Variants in CASP2 observed in about 807,000 individuals in gnomAD.
CASP2 encodes caspase 2.
Under a neutral mutation model 54.4 loss-of-function variants are expected in CASP2, and 38 were observed. That is an observed-to-expected ratio of 0.70 (90% CI 0.54 to 0.92). CASP2 has a LOEUF of 0.92. Ranked by LOEUF, CASP2 falls within the 40% of genes least tolerant of loss-of-function variation. CASP2 has a pLI of 0.00. For synonymous variants in CASP2, 215 were observed against 216.3 expected (o/e 0.99, Z 0.05); for missense variants, 512 against 579.6 (o/e 0.88, Z 1.20).
At chr7:143,293,061 T>C in intron 4 of CASP2, 1 of 613,830 alleles carries the variant, frequency 1.6e-6, no homozygotes, top group Non-Finnish European at 2.9e-6. Flanking sequence ...CCAGATTGAC[T>C]TCCCCTTTCT....
chr7:143,292,395 G>T lies in CASP2; in HGVS notation c.321G>T (p.Arg107Ser). 1.9e-6 allele frequency: 3 copies of T among 1,614,144 alleles called. No individual in the cohort carries two copies. Among genetic ancestry groups the T allele is most frequent in the Non-Finnish European group, 2.5e-6 (3 of 1,180,018 alleles). Reference protein sequence around the residue: ...QAFDAFCEALRETKQGHLEDM... With the variant: ...QAFDAFCEALSETKQGHLEDM... ...TTGATGCCTTCTGTGAAGCACTGAG[G>T]GAGACCAAGCAAGGCCACCTGGAGG... The change falls in exon 3 of 11, where the codon AGG becomes AGT. Residue 107 changes from arginine to serine, a missense_variant. Arg to Ser is a moderately radical substitution (Grantham distance 110). Coordinates refer to ENST00000310447, the MANE Select transcript of CASP2 (RefSeq NM_032982.4).
At chr7:143,303,705 A>G in intron 8 of CASP2, 79 bp from the exon 9 acceptor site, 2 of 1,325,078 alleles carry the variant, frequency 1.5e-6, no homozygotes, top group Non-Finnish European at 2.2e-6. Flanking sequence ...GTTGTAGGGA[A>G]CGTGGGCTTG....
chr7:143,297,788 A>T (rs1801800053), intron 6 of CASP2, among the ~76,000 whole-genome samples: 1 of 152,260 alleles, frequency 6.6e-6, no homozygotes, highest in South Asian at 2.1e-4. Context: ...TTTAACTATT[A>T]AATGTTAAAT....
At chr7:143,295,887 A>G (rs1801730458) in intron 6 of CASP2, among the ~76,000 whole-genome samples, 1 of 152,204 alleles carries the variant, frequency 6.6e-6, no homozygotes, top group African/African-American at 2.4e-5. Context: ...CAGGTAGTTT[A>G]TATGCTTTCC....
At chr7:143,304,024 T>C in intron 9 of CASP2, 91 bp downstream of exon 9, 1 of 1,239,678 alleles carries the variant, frequency 8.1e-7, no homozygotes, top group Non-Finnish European at 1.2e-6. Context: ...GTATCCCTTA[T>C]CTGAAGTGTT....
At chr7:143,293,002 C>T (rs1245256423) in intron 4 of CASP2, 2 of 599,512 alleles carry the variant, frequency 3.3e-6, no homozygotes, top group Admixed American at 5.9e-5. Flanking sequence ...CAGAGTGAGA[C>T]TCAGTCTCAA....
chr7:143,297,448 T>C lies in CASP2; in HGVS notation c.748-2475T>C, dbSNP rs4647313. 2.9e-3 allele frequency among the ~76,000 whole-genome samples: 439 copies of C among 152,308 alleles called. 2 individuals carry two copies. The highest frequency in any genetic ancestry group is 1.0e-2 in the African/African-American group (415 of 41,568). On this transcript the variant is annotated intron_variant, in intron 6 of 10. Coordinates refer to ENST00000310447, the MANE Select transcript of CASP2 (RefSeq NM_032982.4). ...GTGCCCAGGTATATAATTTTTGTTT[T>C]CTTTTTTTTTATTTTGAGATGGAGT...
At chr7:143,290,394 A>G (rs1280890760) in intron 1 of CASP2, among the ~76,000 whole-genome samples, 1 of 152,062 alleles carries the variant, frequency 6.6e-6, no homozygotes, top group African/African-American at 2.4e-5. Flanking sequence ...AGAAATCAGA[A>G]TGCATTTTAG....
At chr7:143,291,392 C>CT (rs1207262372) in intron 1 of CASP2, 148 bp from the exon 2 acceptor site, 1 of 786,962 alleles carries the variant, frequency 1.3e-6, no homozygotes, top group Non-Finnish European at 2.2e-6. Context: ...CTTAGTACAT[C>CT]TTTGCTTTAA....
chr7:143,304,045 G>A (rs1801996953), intron 9 of CASP2, 112 bp downstream of exon 9: 1 of 1,118,724 alleles, frequency 8.9e-7, no homozygotes, highest in Non-Finnish European at 1.3e-6. Context: ...GGAACCAGAA[G>A]TGTTTCAGAT....
At chr7:143,304,870 C>T (rs1038850044) in intron 10 of CASP2, 70 bp from the exon 11 acceptor site, 6 of 1,611,074 alleles carry the variant, frequency 3.7e-6, no homozygotes, top group Non-Finnish European at 5.1e-6. Context: ...AGTCCGTCTC[C>T]CCTTCCCGTT....
Position 143,305,860 on chromosome 7 carries a change from CTG to C in CASP2, c.*791_*792del, listed in dbSNP as rs1222825791. On this transcript the variant is annotated 3_prime_UTR_variant, in exon 11 of 11. Transcript: ENST00000310447. ...GAAGAATGGTGTGTTTCCCTAGACT[CTG>C]TAACCACCTCTCTGTCTTTTTCCTT... 2.0e-5 allele frequency: 3 copies of C among 152,518 alleles called. No homozygotes were observed. Among genetic ancestry groups the C allele is most frequent in the South Asian group, 4.1e-4 (2 of 4,838 alleles). The allele number at this position is 152,518 out of a possible 1,614,324, so 9.4% of individuals were successfully genotyped here.
At chr7:143,293,370 CT>C (rs1801643672) in intron 4 of CASP2, 2 of 424,926 alleles carry the variant, frequency 4.7e-6, no homozygotes, top group Non-Finnish European at 8.3e-6. Flanking sequence ...TCAAATGATC[CT>C]TCCGCCTTGG....
At chr7:143,299,627 T>C (rs1801856096) in intron 6 of CASP2, among the ~76,000 whole-genome samples, 1 of 152,304 alleles carries the variant, frequency 6.6e-6, no homozygotes, top group East Asian at 1.9e-4. Flanking sequence ...TTAATCAGAG[T>C]TGACCAGCTC....
intron 8 of CASP2, chr7:143,303,360 A>G (rs1801974166): frequency 6.2e-6 from 1 of 160,022 alleles, no homozygotes; most frequent in African/African-American, 2.4e-5. Context: ...TTTCTTGTTT[A>G]TGTAATTAAA....
intron 1 of CASP2, 132 bp from the exon 2 acceptor site, chr7:143,291,408 T>G: frequency 1.1e-6 from 1 of 895,200 alleles, no homozygotes; most frequent in Non-Finnish European, 1.9e-6. Flanking sequence ...TTTAACCAGA[T>G]TTAAGAAATA....
intron 6 of CASP2, chr7:143,298,431 A>T (rs1801819983): frequency 6.6e-6 from 1 of 152,236 alleles, no homozygotes; most frequent in South Asian, 2.1e-4. Context: ...CTTTAGGTAC[A>T]CAGTATAACC....
chr7:143,296,024 C>G (rs1304329244), intron 6 of CASP2, among the ~76,000 whole-genome samples: 1 of 152,144 alleles, frequency 6.6e-6, no homozygotes, highest in Non-Finnish European at 1.5e-5. Flanking sequence ...ATGTCTTTTA[C>G]TAGAAATCTA....
rs1306392397 is a variant in CASP2 at position 143,291,521 on chromosome 7, T to C, written c.75-19T>C. 12 of 1,613,788 alleles carry C rather than the reference T, an allele frequency of 7.4e-6. No individual in the cohort carries two copies. The highest frequency in any genetic ancestry group is 1.0e-5 in the Non-Finnish European group (12 of 1,179,808). ...CAAATTGTGACTTGACAGCCTTTCCTTCTACCGTTTATCTGTAGGATATTG... is the reference window on the plus strand; with the variant it reads ...CAAATTGTGACTTGACAGCCTTTCCCTCTACCGTTTATCTGTAGGATATTG... On this transcript the variant is annotated intron_variant, in intron 1 of 10. Coordinates refer to ENST00000310447, the MANE Select transcript of CASP2 (RefSeq NM_032982.4).
Sources: gnomAD v4.1 joint callset for allele counts (sites outside exome capture counted in the v4.1 genomes callset) on GRCh38, gnomAD v4.1.1 for gene constraint, MANE v1.5 for transcripts, NCBI Gene and HGNC (gene_info 2026-07-23, HGNC 2026-07-21) for gene names.